Variants in CD82 observed in about 807,000 individuals in gnomAD.
CD82 encodes CD82 antigen.
CD82 carries 36 observed loss-of-function variants against 37.4 expected under a neutral mutation model. The observed-to-expected ratio is 0.96, with a 90% CI of 0.74 to 1.27. The LOEUF is 1.27. Ranked by LOEUF, CD82 falls within the 50% of genes most tolerant of loss-of-function variation. CD82 has a pLI of 0.00. For missense variants in CD82, 340 were observed against 347.0 expected (o/e 0.98, Z 0.16); for synonymous variants, 158 against 137.4 (o/e 1.15, Z -1.05).
Position 44,586,758 on chromosome 11 carries a change from C to A in CD82, c.-102-717C>A, listed in dbSNP as rs544185028. Among the ~76,000 whole-genome samples the A allele has an allele frequency of 9.8e-5, 15 of 152,360 alleles. No individual in the cohort carries two copies. The South Asian group carries it at 2.9e-3, about 29-fold the overall frequency. On this transcript the variant is annotated intron_variant, in intron 1 of 9. Coordinates refer to ENST00000227155, the MANE Select transcript of CD82 (RefSeq NM_002231.4). Reference sequence around the variant, plus strand: ...CATTCTAAGGATCAGAAACCTCCAGCTGCAGGATCAATTCTGGTCTAAGAA... The same window carrying A: ...CATTCTAAGGATCAGAAACCTCCAGATGCAGGATCAATTCTGGTCTAAGAA...
intron 7 of CD82, among the ~76,000 whole-genome samples, chr11:44,617,670 A>G (rs1444949676): frequency 1.3e-5 from 2 of 152,078 alleles, no homozygotes; most frequent in African/African-American, 4.8e-5. Flanking sequence ...CTCCTGCACT[A>G]AAGTTGAACG....
chr11:44,614,776 G>A (rs943668171), intron 6 of CD82, among the ~76,000 whole-genome samples: 2 of 152,226 alleles, frequency 1.3e-5, no homozygotes, highest in Admixed American at 1.3e-4. Context: ...AGGAAGCAGA[G>A]GGTGAGCCAT....
intron 1 of CD82, chr11:44,587,163 G>A: frequency 2.9e-6 from 1 of 340,614 alleles, no homozygotes; most frequent in Non-Finnish European, 5.8e-6. Flanking sequence ...TGTTTAGGGA[G>A]GGCCTTTGGG....
intron 1 of CD82, chr11:44,585,304 T>G: frequency 2.2e-6 from 1 of 456,298 alleles, no homozygotes; most frequent in Admixed American, 2.3e-5. Context: ...TTGGTAACAT[T>G]TATCTGACAT....
chr11:44,605,366 C>A lies in CD82; in HGVS notation c.273C>A (p.Phe91Leu). 6.2e-7 allele frequency: 1 copy of A among 1,614,230 alleles called. No homozygotes were observed. The highest frequency in any genetic ancestry group is 1.1e-5 in the South Asian group (1 of 91,084). Reference protein sequence around the residue: ...VRCLLGLYFAFLLLILIAQVT... With the variant: ...VRCLLGLYFALLLLILIAQVT... The stretch of plus-strand genomic sequence containing the variant: ...CTCTGTGTCCCCAGTACTTTGCTTT[C>A]CTGCTCCTGATCCTCATTGCCCAGG... The change falls in exon 6 of 10, where the codon TTC (phenylalanine) becomes TTA (leucine). Residue 91 changes from phenylalanine to leucine, a missense_variant. By Grantham distance (22) the Phe-to-Leu change is conservative (BLOSUM62 0). Coordinates refer to ENST00000227155, the MANE Select transcript of CD82 (RefSeq NM_002231.4).
chr11:44,571,010 C>T (rs1852806368), intron 1 of CD82, among the ~76,000 whole-genome samples: 1 of 152,190 alleles, frequency 6.6e-6, no homozygotes, highest in African/African-American at 2.4e-5. Flanking sequence ...GAAGCTTTTG[C>T]CTCTTCTCCG....
Position 44,612,907 on chromosome 11 carries a change from A to G in CD82, c.337-2365A>G, listed in dbSNP as rs188134173. On this transcript the variant is annotated intron_variant, in intron 6 of 9. Coordinates refer to ENST00000227155, the MANE Select transcript of CD82 (RefSeq NM_002231.4). ...CCACCTTGGCCTCCCAAAGTGCTGG[A>G]ATTACATACGTGAGCCACCATGGCC... is the stretch of plus-strand genomic sequence containing the variant. Among the ~76,000 whole-genome samples, 18 of 152,028 alleles carry G rather than the reference A, an allele frequency of 1.2e-4. No homozygotes were observed. In the East Asian group the frequency reaches 3.1e-3, roughly 26 times the overall value.
At position 44,619,021 on chromosome 11, in the gene CD82, C is replaced by T. The variant is rs879077881; in HGVS notation, c.727-28C>T. ...CGTCTGAGGCCGGGACACCCAGCCT[C>T]CCTCTGACTCTCCGCCTCTCCCCAC... On this transcript the variant is annotated intron_variant, in intron 9 of 9. Transcript: ENST00000227155. 4 of 1,604,576 alleles carry T rather than the reference C, an allele frequency of 2.5e-6. No individual in the cohort carries two copies. In the South Asian group the frequency reaches 3.3e-5, roughly 13 times the overall value.
intron 8 of CD82, 48 bp from the exon 9 acceptor site, chr11:44,618,592 G>A: frequency 6.7e-7 from 1 of 1,484,914 alleles, no homozygotes; most frequent in South Asian, 1.1e-5. Context: ...GCATGGCGGG[G>A]TGGGATGGTG....
chr11:44,571,428 T>C (rs950118370), intron 1 of CD82, among the ~76,000 whole-genome samples: 1 of 152,228 alleles, frequency 6.6e-6, no homozygotes, highest in African/African-American at 2.4e-5. Context: ...AGTTTCAGCA[T>C]CTATAAAATG....
Position 44,620,306 on chromosome 11 carries a change from C to G in CD82, c.*1180C>G, listed in dbSNP as rs1201697892. The G allele has an allele frequency of 6.6e-6, 1 of 152,132 alleles. No homozygotes were observed. The highest frequency in any genetic ancestry group is 1.5e-5 in the Non-Finnish European group (1 of 68,056). 9.4% of individuals were successfully genotyped at this position (152,132 alleles called of 1,614,324 possible). A position where few individuals can be genotyped will look rare whatever the true frequency, so the allele number is the denominator to read the frequency against. On this transcript the variant is annotated 3_prime_UTR_variant, in exon 10 of 10. Transcript: ENST00000227155. ...AGAGGGGAGGGGGCTTTGTGTGCAC[C>G]ATTCTGTAAAACACACTCAAGATTC... is the stretch of plus-strand genomic sequence containing the variant.
intron 1 of CD82, among the ~76,000 whole-genome samples, chr11:44,579,648 C>T (rs1163979316): frequency 6.6e-6 from 1 of 152,142 alleles, no homozygotes; most frequent in African/African-American, 2.4e-5. Flanking sequence ...CCTGACAGGC[C>T]CGGTTTCCTT....
At chr11:44,606,467 C>CAA (rs386373732) in intron 6 of CD82, 23,016 of 104,540 alleles carry the variant, frequency 0.22, 2,975 homozygotes, top group Non-Finnish European at 0.27. Context: ...GACCCTGTCT[C>CAA]AAAAAAAAAA....
At chr11:44,580,259 T>TG (rs1207624898) in intron 1 of CD82, among the ~76,000 whole-genome samples, 1 of 152,222 alleles carries the variant, frequency 6.6e-6, no homozygotes, top group Non-Finnish European at 1.5e-5. Flanking sequence ...ACAGAGTCCC[T>TG]GTACCTATGT....
intron 1 of CD82, chr11:44,585,157 G>A: frequency 4.4e-6 from 2 of 455,840 alleles, no homozygotes; most frequent in African/African-American, 4.0e-5. Context: ...TTACCCAGGA[G>A]CAGCAGTGGT....
intron 2 of CD82, 189 bp downstream of exon 2, chr11:44,587,745 C>G (rs1853077927): frequency 2.6e-6 from 1 of 380,938 alleles, no homozygotes; most frequent in Non-Finnish European, 5.3e-6. Flanking sequence ...CCTGGGGAGG[C>G]TCGGCAGCAG....
chr11:44,580,374 G>A (rs1852962797), intron 1 of CD82, among the ~76,000 whole-genome samples: 1 of 152,198 alleles, frequency 6.6e-6, no homozygotes, highest in Non-Finnish European at 1.5e-5. Context: ...GAGGCAGGAA[G>A]GATTAGCCCA....
At chr11:44,607,011 C>T (rs925919694) in intron 6 of CD82, 1 of 152,304 alleles carries the variant, frequency 6.6e-6, no homozygotes, top group Non-Finnish European at 1.5e-5. Flanking sequence ...GACCCTGCTG[C>T]ACATGGCCTG....
At chr11:44,574,198 G>A (rs969491136) in intron 1 of CD82, among the ~76,000 whole-genome samples, 2 of 152,112 alleles carry the variant, frequency 1.3e-5, no homozygotes, top group African/African-American at 4.8e-5. Context: ...CAAAGTTGAG[G>A]GCTTACGTCT....
Sources: gnomAD v4.1 joint callset for allele counts (sites outside exome capture counted in the v4.1 genomes callset) on GRCh38, gnomAD v4.1.1 for gene constraint, MANE v1.5 for transcripts, NCBI Gene and HGNC (gene_info 2026-07-23, HGNC 2026-07-21) for gene names.